The following INPP4A variants were observed in gnomAD, a reference collection of about 807,000 sequenced individuals.
INPP4A encodes the protein inositol polyphosphate-4-phosphatase, type I, 107kD.
A neutral mutation model predicts 119.8 loss-of-function variants in INPP4A; 33 were observed. The observed-to-expected ratio is 0.28, with a 90% CI of 0.21 to 0.37. The LOEUF (loss-of-function observed/expected upper bound fraction) is 0.37, where lower values mean the gene tolerates loss of function less well. INPP4A is among the 10% of genes least tolerant of loss of function. The pLI, the probability that INPP4A is intolerant of heterozygous loss-of-function variation, is 1.00. For synonymous variants in INPP4A, 496 were observed against 500.7 expected, an observed-to-expected ratio of 0.99 and a Z score of 0.12; for missense variants, 956 against 1,289.9, an observed-to-expected ratio of 0.74 and a Z score of 3.97.
Position 98,537,935 on chromosome 2 carries a change from GC to G in INPP4A, c.545del (p.Pro182LeufsTer2). The G allele has an allele frequency of 6.2e-7, 1 of 1,612,862 alleles. No homozygotes were observed. Among genetic ancestry groups the G allele is most frequent in the Non-Finnish European group, 8.5e-7 (1 of 1,179,394 alleles). ...AGATGGAGGAGAAGTCAGACCAACG[GC>G]CCCCTGTGACCCGGTCTGTGGACAC... Reference protein sequence around the residue: ...WQMEEKSDQRPPVTRSVDTVN... With the variant: ...WQMEEKSDQRXPVTRSVDTVN... On this transcript the variant is annotated frameshift_variant, in exon 8 of 25. Transcript: ENST00000409851. LOFTEE classifies it high-confidence loss of function.
At chr2:98,453,252 A>C (rs1695536620) in intron 1 of INPP4A, among the ~76,000 whole-genome samples, 1 of 152,234 alleles carries the variant, frequency 6.6e-6, no homozygotes, top group African/African-American at 2.4e-5. Flanking sequence ...CTCTAACCAC[A>C]TTAGCACTAA....
intron 10 of INPP4A, among the ~76,000 whole-genome samples, chr2:98,542,060 T>C (rs1691568201): frequency 6.6e-6 from 1 of 152,180 alleles, no homozygotes; most frequent in African/African-American, 2.4e-5. Flanking sequence ...TTTCAGCGTG[T>C]GCTGGAAATG....
At chr2:98,493,426 ATTTTTTT>A (rs371958433) in intron 1 of INPP4A, among the ~76,000 whole-genome samples, 3 of 123,112 alleles carry the variant, frequency 2.4e-5, no homozygotes, top group African/African-American at 6.2e-5. Flanking sequence ...TTCTATTTCT[ATTTTTTT>A]TTTTTTTTTT....
At chr2:98,501,803 A>G (rs1417714705) in intron 1 of INPP4A, among the ~76,000 whole-genome samples, 1 of 152,230 alleles carries the variant, frequency 6.6e-6, no homozygotes, top group African/African-American at 2.4e-5. Flanking sequence ...CCAGGTCAAG[A>G]GCCCAGGGGC....
rs754660518 is a variant in INPP4A at position 98,537,823 on chromosome 2, A to G, written c.468-40A>G. The G allele has an allele frequency of 2.8e-6, 4 of 1,436,638 alleles. No individual in the cohort carries two copies. The South Asian group carries it at 3.6e-5, about 13-fold the overall frequency. The allele number at this position is 1,436,638 out of a possible 1,614,324, so 89.0% of individuals were successfully genotyped here. ...TTGTATTTCAGCAGAAAAGAAGCAC[A>G]GTTGCAGCACCACTCATTAAAGCAT... On this transcript the variant is annotated intron_variant, in intron 7 of 24. Transcript: ENST00000409851.
chr2:98,557,852 C>G (rs1394636696), intron 16 of INPP4A, among the ~76,000 whole-genome samples: 1 of 152,204 alleles, frequency 6.6e-6, no homozygotes, highest in East Asian at 1.9e-4. Flanking sequence ...CTCCCATCCC[C>G]CTCCACCCCC....
At chr2:98,492,747 C>T (rs551042646) in intron 1 of INPP4A, among the ~76,000 whole-genome samples, 2 of 152,306 alleles carry the variant, frequency 1.3e-5, no homozygotes, top group South Asian at 4.2e-4. Flanking sequence ...TGTCTTGTAT[C>T]AGTTCGATAT....
In INPP4A at chr2:98,535,852, T is replaced by A; in HGVS notation, c.387+7T>A. ...AGATAGATCTCAGGGAACAGTTAAG[T>A]AATGTGTTGTAGTTCGTGGGATTTT... On this transcript the variant is annotated splice_region_variant and intron_variant, in intron 6 of 24. Coordinates refer to ENST00000409851, the MANE Select transcript of INPP4A (RefSeq NM_001134225.2). 1 of 1,333,194 alleles carries A rather than the reference T, an allele frequency of 7.5e-7. No individual in the cohort carries two copies. The highest frequency in any genetic ancestry group is 1.2e-5 in the South Asian group (1 of 80,558). 82.6% of individuals were successfully genotyped at this position (1,333,194 alleles called of 1,614,324 possible).
intron 4 of INPP4A, among the ~76,000 whole-genome samples, chr2:98,526,396 T>C (rs748169163): frequency 6.6e-6 from 1 of 152,206 alleles, no homozygotes; most frequent in East Asian, 1.9e-4. Context: ...TTCATGAAGA[T>C]ACATGAGAAG....
Position 98,590,733 on chromosome 2 carries a change from G to A in INPP4A, c.*3125G>A, listed in dbSNP as rs571088301. ...GCACACACGACCCGTTATCTCCCTT[G>A]GAAAAATTCCTCTCACTGGAAATGT... On this transcript the variant is annotated 3_prime_UTR_variant, in exon 25 of 25. Transcript: ENST00000409851. The A allele has an allele frequency of 4.5e-6, 1 of 221,808 alleles. No individual in the cohort carries two copies. The highest frequency in any genetic ancestry group is 5.8e-5 in the Admixed American group (1 of 17,364). The allele number at this position is 221,808 out of a possible 1,614,324, so 13.7% of individuals were successfully genotyped here.
Position 98,568,577 on chromosome 2 carries a change from C to T in INPP4A, c.2427C>T (p.Gly809=), listed in dbSNP as rs754714150. Residue 809 remains glycine, a synonymous_variant, in exon 22 of 25, where the codon GGC becomes GGT. Coordinates refer to ENST00000409851, the MANE Select transcript of INPP4A (RefSeq NM_001134225.2). ...TCCCCTATAACCTCCCAAGGTTTGG[C>T]GATACGTCTTTACAAGAAGTCATCA... ...NEQQTLAERF[G]DTSLQEVINV... is the part of the protein sequence containing the mutation. The T allele has an allele frequency of 1.6e-5, 25 of 1,582,074 alleles. No homozygotes were observed. Among genetic ancestry groups the T allele is most frequent in the Admixed American group, 5.3e-5 (3 of 56,828 alleles).
chr2:98,582,699 A>C (rs535952624), intron 24 of INPP4A, among the ~76,000 whole-genome samples: 2 of 151,148 alleles, frequency 1.3e-5, no homozygotes, highest in South Asian at 4.2e-4. Flanking sequence ...CAGACACAGA[A>C]AGATCACCTA....
At chr2:98,534,493 T>G (rs984563944) in intron 5 of INPP4A, among the ~76,000 whole-genome samples, 1 of 152,184 alleles carries the variant, frequency 6.6e-6, no homozygotes, top group East Asian at 1.9e-4. Context: ...GGCCCAAGAC[T>G]GCATTTCTTA....
At chr2:98,467,780 ATGAGT>A in intron 1 of INPP4A, among the ~76,000 whole-genome samples, 1 of 152,366 alleles carries the variant, frequency 6.6e-6, no homozygotes, top group South Asian at 2.1e-4. Flanking sequence ...AAAAGGACAA[ATGAGT>A]TGAATAGTTA....
chr2:98,484,416 G>C (rs1474004192), intron 1 of INPP4A, among the ~76,000 whole-genome samples: 1 of 152,096 alleles, frequency 6.6e-6, no homozygotes, highest in Admixed American at 6.6e-5. Flanking sequence ...CCAAGCCCCA[G>C]TTACTTTCCT....
Position 98,587,637 on chromosome 2 carries a change from C to T in INPP4A, c.*29C>T, listed in dbSNP as rs751861300. On this transcript the variant is annotated 3_prime_UTR_variant, in exon 25 of 25. Transcript: ENST00000409851. ...CACGGTTTCCTCTAATTAGCTGTTA[C>T]ATAATAAATGTGGGTACCCTCTAGT... The T allele has an allele frequency of 1.1e-5, 18 of 1,566,550 alleles. No individual in the cohort carries two copies. The highest frequency in any genetic ancestry group is 6.9e-5 in the African/African-American group (5 of 72,526).
intron 1 of INPP4A, among the ~76,000 whole-genome samples, chr2:98,469,236 C>T (rs868194981): frequency 6.6e-5 from 10 of 152,092 alleles, no homozygotes; most frequent in Non-Finnish European, 1.3e-4. Flanking sequence ...CGGTGGCTCA[C>T]GCCTGTAATC....
intron 1 of INPP4A, among the ~76,000 whole-genome samples, chr2:98,466,341 C>T (rs945114275): frequency 1.3e-5 from 2 of 152,216 alleles, no homozygotes; most frequent in African/African-American, 4.8e-5. Flanking sequence ...CCACCGTGCC[C>T]GGCCTTGTTA....
At chr2:98,579,136 T>C (rs1054315380) in intron 24 of INPP4A, among the ~76,000 whole-genome samples, 2 of 151,920 alleles carry the variant, frequency 1.3e-5, no homozygotes, top group Non-Finnish European at 2.9e-5. Flanking sequence ...CACTGCATCC[T>C]CCACCTCCAG....
Sources: gnomAD v4.1 joint callset for allele counts (sites outside exome capture counted in the v4.1 genomes callset) on GRCh38, gnomAD v4.1.1 for gene constraint, MANE v1.5 for transcripts, NCBI Gene and HGNC (gene_info 2026-07-23, HGNC 2026-07-21) for gene names.